The following MTREX variants were observed in gnomAD, a reference collection of about 807,000 sequenced individuals.
MTREX encodes the protein Mtr4 exosome RNA helicase, also known as exosome RNA helicase MTR4.
Under a neutral mutation model 135.4 loss-of-function variants are expected in MTREX, and 76 were observed. The observed-to-expected ratio is 0.56, with a 90% CI of 0.47 to 0.68. The LOEUF (loss-of-function observed/expected upper bound fraction) is 0.68. Among genes scored for constraint, MTREX ranks in the 30% least tolerant of loss-of-function variants. The probability of loss-of-function intolerance (pLI) is 0.00; values close to 1 mark genes in which losing one functional copy is unlikely to be tolerated. For synonymous variants in MTREX, 404 were observed against 401.6 expected (o/e 1.01, Z -0.07); for missense variants, 920 against 1,262.1 (o/e 0.73, Z 4.11).
intron 23 of MTREX, among the ~76,000 whole-genome samples, chr5:55,412,068 A>G (rs1035076562): frequency 2.6e-5 from 4 of 152,148 alleles, no homozygotes; most frequent in Non-Finnish European, 4.4e-5. Context: ...GCAAGATGTC[A>G]ATATATACAG....
At chr5:55,390,223 C>T (rs1042642030) in intron 19 of MTREX, among the ~76,000 whole-genome samples, 3 of 152,184 alleles carry the variant, frequency 2.0e-5, no homozygotes, top group African/African-American at 4.8e-5. Flanking sequence ...CTGCCTCAAC[C>T]TCCCGAGTAG....
rs1391641992 is a variant in MTREX, at chr5:55,324,160, G to A, written c.301G>A (p.Val101Ile). Residue 101 changes from valine to isoleucine, a missense_variant, in exon 3 of 27, where the codon GTA becomes ATA. This residue lies in a region of MTREX where 136 missense variants were observed against 126.7 expected (regional missense o/e 1.07). Coordinates refer to ENST00000230640, the MANE Select transcript of MTREX (RefSeq NM_015360.5). ...GGCAGACCTGATGCCCAGAGTCAAG[G>A]TACAATCAGTTGAAACTGTTGAAGG... ...SLADLMPRVK[V>I]QSVETVEGCT... 4 of 1,611,186 alleles carry A rather than the reference G, an allele frequency of 2.5e-6. No homozygotes were observed. The highest frequency in any genetic ancestry group is 3.4e-6 in the Non-Finnish European group (4 of 1,178,702).
At chr5:55,402,265 A>T (rs112784537) in intron 21 of MTREX, among the ~76,000 whole-genome samples, 14 of 152,320 alleles carry the variant, frequency 9.2e-5, no homozygotes, top group African/African-American at 3.4e-4. Flanking sequence ...ACTTCTCAAG[A>T]TGAGGAAACT....
Position 55,386,656 on chromosome 5 carries a change from ATT to A in MTREX, c.2053-1317_2053-1316del, listed in dbSNP as rs561284993. Among the ~76,000 whole-genome samples, 51 of 152,138 alleles carry A rather than the reference ATT, an allele frequency of 3.4e-4. 1 individual carries two copies. The highest frequency in any genetic ancestry group is 7.4e-4 in the Non-Finnish European group (50 of 67,970). The stretch of plus-strand genomic sequence containing the variant: ...TTGAGTTATAATAGTCACTTCTGTG[ATT>A]GTTATATCTTACAGAGAATATTAAA... On this transcript the variant is annotated intron_variant, in intron 18 of 26. Transcript: ENST00000230640.
intron 5 of MTREX, among the ~76,000 whole-genome samples, chr5:55,336,668 C>T (rs1262090373): frequency 6.6e-6 from 1 of 152,084 alleles, no homozygotes; most frequent in Non-Finnish European, 1.5e-5. Context: ...GGTCCCAGAC[C>T]CCCTCATATA....
intron 23 of MTREX, among the ~76,000 whole-genome samples, chr5:55,412,636 G>C (rs140788304): frequency 1.9e-3 from 289 of 152,284 alleles, no homozygotes; most frequent in Non-Finnish European, 2.8e-3. Flanking sequence ...CTAATGAAGT[G>C]AAACTTATAT....
intron 21 of MTREX, among the ~76,000 whole-genome samples, chr5:55,401,566 A>T (rs1750724045): frequency 6.6e-6 from 1 of 152,210 alleles, no homozygotes; most frequent in South Asian, 2.1e-4. Flanking sequence ...AGAAACTACC[A>T]GACTGTTTCC....
At chr5:55,352,042 TTTTG>T (rs1341469397) in intron 13 of MTREX, among the ~76,000 whole-genome samples, 2 of 151,428 alleles carry the variant, frequency 1.3e-5, no homozygotes, top group South Asian at 2.1e-4. Flanking sequence ...TTTTGTTTTG[TTTTG>T]TTTTTGTTTT....
intron 1 of MTREX, among the ~76,000 whole-genome samples, chr5:55,319,401 C>G (rs1749251345): frequency 1.3e-5 from 2 of 152,060 alleles, no homozygotes; most frequent in Admixed American, 1.3e-4. Context: ...GAATGTGTTG[C>G]TAGGTGTTGC....
At chr5:55,338,704 T>C (rs1331592073) in intron 5 of MTREX, among the ~76,000 whole-genome samples, 2 of 151,456 alleles carry the variant, frequency 1.3e-5, no homozygotes, top group Non-Finnish European at 2.9e-5. Context: ...TCATGTTCAT[T>C]GATAACAGTC....
At chr5:55,418,221 G>A (rs1273052773) in intron 25 of MTREX, among the ~76,000 whole-genome samples, 6 of 120,998 alleles carry the variant, frequency 5.0e-5, no homozygotes, top group East Asian at 2.2e-4. Flanking sequence ...GTGACAGAGC[G>A]AGACACCATC....
intron 5 of MTREX, 33 bp downstream of exon 5, chr5:55,328,844 T>C (rs1436764029): frequency 1.4e-6 from 2 of 1,380,838 alleles, no homozygotes; most frequent in Non-Finnish European, 2.0e-6. Flanking sequence ...TCACTTTGTT[T>C]CTTATTTCAC....
chr5:55,380,338 T>C (rs553353365), intron 18 of MTREX, among the ~76,000 whole-genome samples: 5 of 152,290 alleles, frequency 3.3e-5, no homozygotes, highest in Admixed American at 6.5e-5. Context: ...TTTGCAGATA[T>C]GTGCAACCAT....
intron 25 of MTREX, among the ~76,000 whole-genome samples, chr5:55,418,204 A>G (rs1561214194): frequency 6.8e-6 from 1 of 147,426 alleles, no homozygotes; most frequent in Non-Finnish European, 1.5e-5. Flanking sequence ...ACTGCACTCC[A>G]GCCTGGGTGA....
At position 55,425,229 on chromosome 5, in the gene MTREX, A is replaced by C. The variant is rs930125660; in HGVS notation, c.*457A>C. ...TTTCAAGGCTGGTGATTGCTCGGAT[A>C]GTGATTCCCAGTTGTTGGTGTTTCA... On this transcript the variant is annotated 3_prime_UTR_variant, in exon 27 of 27. Coordinates refer to ENST00000230640, the MANE Select transcript of MTREX (RefSeq NM_015360.5). 1 of 1,613,912 alleles carries C rather than the reference A, an allele frequency of 6.2e-7. No homozygotes were observed. The highest frequency in any genetic ancestry group is 8.5e-7 in the Non-Finnish European group (1 of 1,179,942).
At chr5:55,397,819 T>C (rs2111585654) in intron 20 of MTREX, among the ~76,000 whole-genome samples, 1 of 152,350 alleles carries the variant, frequency 6.6e-6, no homozygotes, top group East Asian at 1.9e-4. Flanking sequence ...GTTTTATGTA[T>C]AAAATCATGT....
chr5:55,386,826 T>G (rs1750488702), intron 18 of MTREX, among the ~76,000 whole-genome samples: 1 of 152,098 alleles, frequency 6.6e-6, no homozygotes, highest in Admixed American at 6.6e-5. Flanking sequence ...TATCACATTG[T>G]GTTATGCATC....
intron 25 of MTREX, among the ~76,000 whole-genome samples, chr5:55,418,426 G>A (rs1751006140): frequency 6.9e-6 from 1 of 145,492 alleles, no homozygotes; most frequent in Non-Finnish European, 1.5e-5. Flanking sequence ...ATTGAAGATG[G>A]TTTGTAGCTC....
intron 19 of MTREX, among the ~76,000 whole-genome samples, chr5:55,393,723 A>G (rs912176682): frequency 3.9e-5 from 6 of 152,234 alleles, no homozygotes; most frequent in African/African-American, 1.2e-4. Flanking sequence ...CCAGTGCTGC[A>G]TCATGTTGAA....
Sources: gnomAD v4.1 joint callset for allele counts (sites outside exome capture counted in the v4.1 genomes callset) on GRCh38, gnomAD v4.1.1 for gene constraint, gnomAD v4.1.1 regional missense constraint, MANE v1.5 for transcripts, NCBI Gene and HGNC (gene_info 2026-07-23, HGNC 2026-07-21) for gene names.